NLGN1: variants seen among roughly 807,000 people sequenced by gnomAD.
The protein encoded by NLGN1 is neuroligin 1.
Under a neutral mutation model 65.5 loss-of-function variants are expected in NLGN1, and 12 were observed. The observed-to-expected ratio is 0.18, with a 90% CI of 0.12 to 0.30. The LOEUF is 0.30. NLGN1 is among the 10% of genes least tolerant of loss of function. The probability of loss-of-function intolerance (pLI) is 1.00; values close to 1 mark genes in which losing one functional copy is unlikely to be tolerated. For missense variants in NLGN1, 750 were observed against 1,007.1 expected, an observed-to-expected ratio of 0.74 and a Z score of 3.46; for synonymous variants, 350 against 359.5, an observed-to-expected ratio of 0.97 and a Z score of 0.30.
At chr3:174,292,202 G>A in the NLGN1 span, among the ~76,000 whole-genome samples, 52 of 151,382 alleles carry the variant, frequency 3.4e-4, no homozygotes, top group Non-Finnish European at 5.9e-4. Flanking sequence ...TTTAAAAAAA[G>A]TTATGCAAAC....
intron 4 of NLGN1, among the ~76,000 whole-genome samples, chr3:174,023,764 G>A (rs1371117307): frequency 2.0e-5 from 3 of 152,126 alleles, no homozygotes; most frequent in African/African-American, 7.2e-5. Context: ...GTTGGGGTAA[G>A]TTTGATTGAG....
At chr3:173,560,802 C>A (rs189250293) in intron 2 of NLGN1, among the ~76,000 whole-genome samples, 7 of 152,070 alleles carry the variant, frequency 4.6e-5, no homozygotes, top group Admixed American at 3.3e-4. Flanking sequence ...TCTGGAAAAC[C>A]CTTTTTGAGA....
At chr3:173,546,280 C>A (rs1324464124) in intron 2 of NLGN1, among the ~76,000 whole-genome samples, 1 of 152,074 alleles carries the variant, frequency 6.6e-6, no homozygotes, top group Non-Finnish European at 1.5e-5. Context: ...AAACCCCTGG[C>A]ACTTGGGATT....
chr3:174,239,359 G>A (rs11915509), intron 4 of NLGN1, among the ~76,000 whole-genome samples: 169 of 152,208 alleles, frequency 1.1e-3, no homozygotes, highest in African/African-American at 3.9e-3. Context: ...ATAAGCCACC[G>A]AGCCTGGCCT....
intron 4 of NLGN1, among the ~76,000 whole-genome samples, chr3:174,053,128 A>G (rs1735289335): frequency 6.6e-6 from 1 of 151,750 alleles, no homozygotes; most frequent in Non-Finnish European, 1.5e-5. Context: ...TGTTGAAGAA[A>G]GTACCCCCAA....
At chr3:173,786,185 T>C (rs1475283484) in intron 3 of NLGN1, among the ~76,000 whole-genome samples, 1 of 152,212 alleles carries the variant, frequency 6.6e-6, no homozygotes. Context: ...CAGAATTTTA[T>C]TGATTTTTAT....
intron 2 of NLGN1, among the ~76,000 whole-genome samples, chr3:173,597,081 C>G (rs966059879): frequency 3.9e-5 from 6 of 152,138 alleles, no homozygotes; most frequent in African/African-American, 1.4e-4. Context: ...GATGAGCAGC[C>G]TTTTTATTTT....
chr3:174,086,638 CT>C (rs1394081710), intron 4 of NLGN1, among the ~76,000 whole-genome samples: 3 of 151,658 alleles, frequency 2.0e-5, no homozygotes, highest in African/African-American at 7.3e-5. Context: ...TTTTAATAGC[CT>C]TTGTACATTT....
intron 4 of NLGN1, among the ~76,000 whole-genome samples, chr3:173,994,369 A>G (rs1352716471): frequency 2.0e-5 from 3 of 151,336 alleles, no homozygotes; most frequent in Non-Finnish European, 2.9e-5. Context: ...TGCGGGGATA[A>G]CAGGCACGAG....
At chr3:174,281,528 T>G in exon 7 of NLGN1, 3 of 424,328 alleles carry the variant, frequency 7.1e-6, no homozygotes, top group Non-Finnish European at 8.4e-6. Flanking sequence ...GAATGATACT[T>G]TTTCATTCAC....
chr3:173,849,819 A>T (rs577699170), intron 4 of NLGN1, among the ~76,000 whole-genome samples: 1 of 152,274 alleles, frequency 6.6e-6, no homozygotes, highest in African/African-American at 2.4e-5. Flanking sequence ...ATTCTCTGAT[A>T]CTGTGACTAT....
intron 1 of NLGN1, among the ~76,000 whole-genome samples, chr3:173,419,981 ATAAAATAAAATAAAATAAAG>A (rs1172418188): frequency 4.3e-5 from 6 of 140,286 alleles, no homozygotes; most frequent in Non-Finnish European, 9.5e-5. Flanking sequence ...CAAAAATAAA[ATAAAATAAAATAAAATAAAG>A]TAAAATAAAA....
intron 4 of NLGN1, among the ~76,000 whole-genome samples, chr3:173,943,229 CA>C (rs67146625): frequency 6.7e-6 from 1 of 148,944 alleles, no homozygotes; most frequent in African/African-American, 2.5e-5. Flanking sequence ...GTCTCAAAAA[CA>C]AAAAAAAATA....
chr3:173,998,732 T>C (rs893068250), intron 4 of NLGN1, among the ~76,000 whole-genome samples: 1 of 152,070 alleles, frequency 6.6e-6, no homozygotes, highest in East Asian at 1.9e-4. Context: ...CATGAGGGAG[T>C]CACTCCCTGT....
chr3:174,029,110 T>A (rs1203928235), intron 4 of NLGN1, among the ~76,000 whole-genome samples: 1 of 152,244 alleles, frequency 6.6e-6, no homozygotes, highest in Non-Finnish European at 1.5e-5. Context: ...GGGCACTGCC[T>A]ACTGGAGCTG....
At position 173,830,737 on chromosome 3, in the gene NLGN1, C is replaced by T. The variant is rs575795593; in HGVS notation, c.646+22905C>T. Among the ~76,000 whole-genome samples the T allele has an allele frequency of 1.1e-4, 16 of 152,260 alleles. No individual in the cohort carries two copies. The East Asian group carries it at 1.2e-3, about 11-fold the overall frequency. On this transcript the variant is annotated intron_variant, in intron 4 of 6. Transcript: ENST00000457714. Reference sequence around the variant, plus strand: ...ATAAGCTAGTGTTATTCATATATTACGTACATTGCACCCATAAATAATACT... The same window carrying T: ...ATAAGCTAGTGTTATTCATATATTATGTACATTGCACCCATAAATAATACT...
intron 4 of NLGN1, among the ~76,000 whole-genome samples, chr3:174,167,105 A>C (rs1727639137): frequency 2.0e-5 from 3 of 152,158 alleles, no homozygotes. Context: ...TTTTGAAGAC[A>C]GAAGAAAGAT....
chr3:174,064,007 T>C (rs191897331), intron 4 of NLGN1, among the ~76,000 whole-genome samples: 1 of 152,118 alleles, frequency 6.6e-6, no homozygotes, highest in Non-Finnish European at 1.5e-5. Flanking sequence ...CCAGGCATGG[T>C]GACAGGAGCC....
At chr3:173,876,665 G>A (rs1034492914) in intron 4 of NLGN1, among the ~76,000 whole-genome samples, 2 of 152,044 alleles carry the variant, frequency 1.3e-5, no homozygotes, top group African/African-American at 2.4e-5. Context: ...AGAGAAAAAT[G>A]GGGCATTTCA....
Sources: allele counts gnomAD v4.1 joint callset (sites outside exome capture counted in the v4.1 genomes callset), GRCh38; gene constraint gnomAD v4.1.1; transcripts MANE v1.5; gene names NCBI Gene and HGNC (gene_info 2026-07-23, HGNC 2026-07-21).